Variants in COL23A1 observed in about 807,000 individuals in gnomAD.
COL23A1 encodes the protein collagen type XXIII alpha 1 chain.
COL23A1 carries 97 observed loss-of-function variants against 99.3 expected under a neutral mutation model. The ratio of observed to expected loss-of-function variants is 0.98; its 90% confidence interval spans 0.83 to 1.16. The LOEUF (loss-of-function observed/expected upper bound fraction) is 1.16, where lower values mean the gene tolerates loss of function less well. Ranked by LOEUF, COL23A1 falls within the 50% of genes most tolerant of loss-of-function variation. COL23A1 has a pLI of 0.00. For missense variants in COL23A1, 762 were observed against 757.4 expected (o/e 1.01, Z -0.07); for synonymous variants, 320 against 308.2 (o/e 1.04, Z -0.40).
intron 19 of COL23A1, 112 bp downstream of exon 19, chr5:178,249,005 C>T: frequency 9.4e-7 from 1 of 1,061,256 alleles, no homozygotes; most frequent in Non-Finnish European, 1.4e-6. Flanking sequence ...GGCACTGAGA[C>T]CGCAGGGGCT....
At chr5:178,526,328 A>G (rs1760306436) in intron 2 of COL23A1, among the ~76,000 whole-genome samples, 1 of 152,172 alleles carries the variant, frequency 6.6e-6, no homozygotes, top group Admixed American at 6.5e-5. Flanking sequence ...GCAAAGCCCC[A>G]CACCCTCTCA....
chr5:178,475,888 G>A (rs2672828), intron 2 of COL23A1, among the ~76,000 whole-genome samples: 144,338 of 152,320 alleles, frequency 0.95, 68,426 homozygotes, highest in East Asian at 1. Flanking sequence ...GGACCCCTGC[G>A]AAGGCCTCTA....
chr5:178,341,786 C>T lies in COL23A1; in HGVS notation c.362-34867G>A, dbSNP rs577183692. Among the ~76,000 whole-genome samples, 155 of 152,202 alleles carry T rather than the reference C, an allele frequency of 1.0e-3. 1 individual carries two copies. The highest frequency in any genetic ancestry group is 2.0e-3 in the Non-Finnish European group (134 of 67,994). On this transcript the variant is annotated intron_variant, in intron 2 of 28. Transcript: ENST00000390654. ...ACAGTAGTCTCTGTTGCTCCAGCAGCAGCCGGCACCCCGCCCGCCTCAGGA... is the reference window on the plus strand; with the variant it reads ...ACAGTAGTCTCTGTTGCTCCAGCAGTAGCCGGCACCCCGCCCGCCTCAGGA...
In COL23A1 at chr5:178,583,811, A is replaced by G. The variant is rs1398499653; in HGVS notation, c.294+6093T>C. On this transcript the variant is annotated intron_variant, in intron 1 of 28. Coordinates refer to ENST00000390654, the MANE Select transcript of COL23A1 (RefSeq NM_173465.4). ...CACCTTGAGCCGGGCCTACACAGAC[A>G]CTAGCCTGGACTTCTCCGTTACTCA... Among the ~76,000 whole-genome samples the G allele has an allele frequency of 2.6e-5, 4 of 152,288 alleles. No individual in the cohort carries two copies. In the East Asian group the frequency reaches 5.8e-4, roughly 22 times the overall value.
In COL23A1 at chr5:178,309,940, CGG is replaced by C. The variant is rs200558943; in HGVS notation, c.362-3023_362-3022del. On this transcript the variant is annotated intron_variant, in intron 2 of 28. Coordinates refer to ENST00000390654, the MANE Select transcript of COL23A1 (RefSeq NM_173465.4). The surrounding 1 kb of genome is among the most constrained non-coding windows in gnomAD (Gnocchi z 4.7). Reference sequence around the variant, plus strand: ...TGATGTGTGTTCAGGGGAGGAAGGGCGGGGGGGAGAGGGAGGGAGGGAGAAGG... The same window carrying C: ...TGATGTGTGTTCAGGGGAGGAAGGGCGGGGGAGAGGGAGGGAGGGAGAAGG... Among the ~76,000 whole-genome samples the C allele has an allele frequency of 0.17, 3,506 of 21,206 alleles. 131 individuals carry two copies. The highest frequency in any genetic ancestry group is 0.35 in the African/African-American group (3,334 of 9,598). 13.9% of individuals were successfully genotyped at this position (21,206 alleles called of 152,430 possible). A position where few individuals can be genotyped will look rare whatever the true frequency, so the allele number is the denominator to read the frequency against.
chr5:178,349,706 G>C (rs1761208559), intron 2 of COL23A1, among the ~76,000 whole-genome samples: 1 of 152,214 alleles, frequency 6.6e-6, no homozygotes, highest in South Asian at 2.1e-4. Context: ...TGTTGACTGA[G>C]TGAATGAATG....
intron 2 of COL23A1, among the ~76,000 whole-genome samples, chr5:178,477,243 G>A (rs944588852): frequency 2.0e-5 from 3 of 152,128 alleles, no homozygotes; most frequent in South Asian, 2.1e-4. Context: ...AGAAAACAAC[G>A]AAACCATGAA....
chr5:178,536,244 C>T (rs1009563726), intron 2 of COL23A1, among the ~76,000 whole-genome samples: 7 of 152,244 alleles, frequency 4.6e-5, no homozygotes, highest in South Asian at 2.1e-4. Flanking sequence ...GTGGCTTCCC[C>T]GGTCTGCCTG....
chr5:178,504,737 GCACTGCGTAGGTGAGAGA>G (rs1758770327), intron 2 of COL23A1, among the ~76,000 whole-genome samples: 3 of 152,234 alleles, frequency 2.0e-5, no homozygotes, highest in Non-Finnish European at 4.4e-5. Context: ...GCCTTGACAT[GCACTGCGTAGGTGAGAGA>G]ATCTGGCAAA....
At chr5:178,479,694 C>T (rs959114750) in intron 2 of COL23A1, among the ~76,000 whole-genome samples, 1 of 151,986 alleles carries the variant, frequency 6.6e-6, no homozygotes, top group Non-Finnish European at 1.5e-5. Flanking sequence ...GTGATAATGA[C>T]GTTGTGGTTA....
chr5:178,344,910 G>A (rs1309451717), intron 2 of COL23A1: 15 of 733,588 alleles, frequency 2.0e-5, no homozygotes, highest in East Asian at 4.0e-5. Flanking sequence ...GGGACAACAC[G>A]TAGAGAATTT....
At chr5:178,413,074 T>A (rs10074791) in intron 2 of COL23A1, among the ~76,000 whole-genome samples, 1 of 151,804 alleles carries the variant, frequency 6.6e-6, no homozygotes. Context: ...TCTCAGCTAC[T>A]TGGGAGGCTG....
At chr5:178,314,708 C>G (rs1758886140) in intron 2 of COL23A1, among the ~76,000 whole-genome samples, 1 of 152,206 alleles carries the variant, frequency 6.6e-6, no homozygotes, top group Admixed American at 6.5e-5. Context: ...AATCTCGAGT[C>G]TACGGTATTA....
chr5:178,448,386 C>T (rs979837976), intron 2 of COL23A1, among the ~76,000 whole-genome samples: 10 of 136,886 alleles, frequency 7.3e-5, no homozygotes, highest in Middle Eastern at 3.9e-3. Flanking sequence ...AGTCGCAGTC[C>T]GTTTTGTTCT....
chr5:178,260,129 C>T (rs917611176), intron 11 of COL23A1, among the ~76,000 whole-genome samples: 2 of 152,170 alleles, frequency 1.3e-5, no homozygotes, highest in Non-Finnish European at 2.9e-5. Flanking sequence ...CCAAAGAGGG[C>T]GAAAATGAAA....
In COL23A1 at chr5:178,529,712, G is replaced by A. The variant is rs188019721; in HGVS notation, c.361+30970C>T. Among the ~76,000 whole-genome samples the A allele has an allele frequency of 8.3e-4, 126 of 152,232 alleles. 2 individuals are homozygous for A. Among genetic ancestry groups the A allele is most frequent in the Admixed American group, 6.6e-3 (101 of 15,298 alleles). Reference sequence around the variant, plus strand: ...CACCGCTGACTTCACAGGCAGAAGCGCTCCCAGGCCTCTGTCTCCCCAGCG... The same window carrying A: ...CACCGCTGACTTCACAGGCAGAAGCACTCCCAGGCCTCTGTCTCCCCAGCG... On this transcript the variant is annotated intron_variant, in intron 2 of 28. Transcript: ENST00000390654.
chr5:178,419,374 T>C (rs905702699), intron 2 of COL23A1, among the ~76,000 whole-genome samples: 3 of 152,144 alleles, frequency 2.0e-5, no homozygotes, highest in African/African-American at 4.8e-5. Context: ...TCCACCCTTC[T>C]CTCCCATGCA....
rs550963310 is a variant in COL23A1, at chr5:178,286,938, C to T, written c.441+1386G>A. Among the ~76,000 whole-genome samples the T allele has an allele frequency of 6.3e-4, 96 of 152,366 alleles. 1 individual carries two copies. Among genetic ancestry groups the T allele is most frequent in the African/African-American group, 2.2e-3 (92 of 41,582 alleles). On this transcript the variant is annotated intron_variant, in intron 5 of 28. Transcript: ENST00000390654. The stretch of plus-strand genomic sequence containing the variant: ...CCTCTCCCCTCTGGACCTGTGAATA[C>T]AGAGTAACCCGGGGTGAAGGGAACT...
At chr5:178,496,557 T>C (rs1758211489) in intron 2 of COL23A1, among the ~76,000 whole-genome samples, 1 of 152,218 alleles carries the variant, frequency 6.6e-6, no homozygotes, top group Non-Finnish European at 1.5e-5. Context: ...TGTAAAATAT[T>C]TATAAACTTT....
Sources: gnomAD v4.1 joint callset for allele counts (sites outside exome capture counted in the v4.1 genomes callset) on GRCh38, gnomAD v4.1.1 for gene constraint, Gnocchi (gnomAD v3.1) non-coding constraint, MANE v1.5 for transcripts, NCBI Gene and HGNC (gene_info 2026-07-23, HGNC 2026-07-21) for gene names.